MED15: variants seen among roughly 807,000 people sequenced by gnomAD.
MED15 encodes mediator of RNA polymerase II transcription subunit 15.
Under a neutral mutation model 118.7 loss-of-function variants are expected in MED15, and 41 were observed. The observed-to-expected ratio is 0.35, with a 90% CI of 0.27 to 0.45. The LOEUF (loss-of-function observed/expected upper bound fraction) is 0.45, where lower values mean the gene tolerates loss of function less well. Among genes scored for constraint, MED15 ranks in the 20% least tolerant of loss-of-function variants. MED15 has a pLI of 1.00. For missense variants in MED15, 740 were observed against 1,025.5 expected, an observed-to-expected ratio of 0.72 and a Z score of 3.80; for synonymous variants, 436 against 413.9, an observed-to-expected ratio of 1.05 and a Z score of -0.65.
chr22:20,518,221 G>A (rs1281054783), intron 1 of MED15, among the ~76,000 whole-genome samples: 2 of 150,958 alleles, frequency 1.3e-5, no homozygotes, highest in Non-Finnish European at 3.0e-5. Context: ...ATGGAGTCTC[G>A]CCCTGTCGCC....
chr22:20,586,590 G>C lies in MED15; in HGVS notation c.2253G>C (p.Ser751=). 6.2e-7 allele frequency: 1 copy of C among 1,612,836 alleles called. No homozygotes were observed. Among genetic ancestry groups the C allele is most frequent in the Non-Finnish European group, 8.5e-7 (1 of 1,179,892 alleles). The change falls in exon 18 of 18, where the codon TCG becomes TCC. Residue 751 remains serine, a synonymous_variant. Transcript: ENST00000263205. ...WQYDANPFLQ[S]VHRCMTSRLL... ...CAGACGCCAACCCCTTCCTCCAGTC[G>C]GTGCACCGCTGCATGACCTCCAGGC...
At chr22:20,575,276 C>T (rs1045891204) in intron 9 of MED15, 44 bp downstream of exon 9, 4 of 1,602,356 alleles carry the variant, frequency 2.5e-6, no homozygotes, top group Non-Finnish European at 3.4e-6. Context: ...GAGCTCGGGG[C>T]GTCCTCTGAG....
intron 2 of MED15, among the ~76,000 whole-genome samples, chr22:20,538,304 C>T (rs138873027): frequency 0.015 from 2,245 of 152,212 alleles, 35 homozygotes; most frequent in Non-Finnish European, 0.023. Context: ...GGCTGGAGTG[C>T]AGTGGCGTGA....
rs750892188 is a variant in MED15, at chr22:20,553,187, C to G, written c.238+13C>G. The stretch of plus-strand genomic sequence containing the variant: ...GCTTCCGTCAGTGGTAAGAGTTTTC[C>G]CTTTTGAGTTAAAGTTTCTCCCAAC... On this transcript the variant is annotated intron_variant, in intron 4 of 17. Transcript: ENST00000263205. 2 of 1,610,822 alleles carry G rather than the reference C, an allele frequency of 1.2e-6. No individual in the cohort carries two copies. Among genetic ancestry groups the G allele is most frequent in the Non-Finnish European group, 1.7e-6 (2 of 1,177,668 alleles).
At chr22:20,534,640 A>G (rs5995745) in intron 1 of MED15, among the ~76,000 whole-genome samples, 123,087 of 152,152 alleles carry the variant, frequency 0.81, 49,860 homozygotes, top group East Asian at 0.86. Flanking sequence ...CTGTGCAGCC[A>G]CTTCTATCAG....
chr22:20,552,167 C>G (rs28681662), intron 3 of MED15, among the ~76,000 whole-genome samples: 1 of 152,212 alleles, frequency 6.6e-6, no homozygotes, highest in African/African-American at 2.4e-5. Flanking sequence ...CCAGCAGCTG[C>G]TCTGTGTTTT....
intron 1 of MED15, chr22:20,523,017 T>C (rs540556089): frequency 4.6e-5 from 7 of 152,314 alleles, no homozygotes; most frequent in Admixed American, 2.0e-4. Context: ...CCGGATAACA[T>C]TGTAGAAGAC....
Position 20,583,315 on chromosome 22 carries a change from C to T in MED15, c.1673-15C>T, listed in dbSNP as rs1012797147. On this transcript the variant is annotated splice_polypyrimidine_tract_variant and intron_variant, in intron 12 of 17. Coordinates refer to ENST00000263205, the MANE Select transcript of MED15 (RefSeq NM_001003891.3). ...ACCAGGCTTGTGTCTTAGTGTGTAC[C>T]CTCTTCTGTCCCAGACAGAAAAAAG... 2 of 1,613,396 alleles carry T rather than the reference C, an allele frequency of 1.2e-6. No homozygotes were observed. Among genetic ancestry groups the T allele is most frequent in the Admixed American group, 3.3e-5 (2 of 60,028 alleles).
chr22:20,525,950 T>C (rs1190937206), intron 1 of MED15, among the ~76,000 whole-genome samples: 3 of 151,852 alleles, frequency 2.0e-5, no homozygotes, highest in Non-Finnish European at 2.9e-5. Context: ...AGACAGGGTC[T>C]TACTCTTTCA....
chr22:20,569,160 CAT>C (rs532322821), intron 8 of MED15, among the ~76,000 whole-genome samples: 187 of 152,232 alleles, frequency 1.2e-3, no homozygotes, highest in Non-Finnish European at 2.1e-3. Flanking sequence ...TGGTGTGTCA[CAT>C]GTGTGGAATG....
intron 2 of MED15, among the ~76,000 whole-genome samples, chr22:20,547,254 G>A (rs1047686583): frequency 2.0e-5 from 3 of 151,996 alleles, no homozygotes; most frequent in Non-Finnish European, 4.4e-5. Context: ...AGAACATTTT[G>A]CTTTTTGTTT....
rs556415368 is a variant in MED15 at position 20,540,574 on chromosome 22, T to TA, written c.156+3376dup. 1.2e-3 allele frequency among the ~76,000 whole-genome samples: 186 copies of TA among 151,994 alleles called. 3 individuals carry two copies. The highest frequency in any genetic ancestry group is 4.3e-3 in the African/African-American group (178 of 41,446). ...GGGTGACAGAGTGAGACTCTGTCTC[T>TA]AAAAAACTTTTTAAAAAATTAACTC... On this transcript the variant is annotated intron_variant, in intron 2 of 17. Transcript: ENST00000263205.
chr22:20,587,146 GT>G lies in MED15; in HGVS notation c.*446del. 1 of 173,786 alleles carries G rather than the reference GT, an allele frequency of 5.8e-6. No homozygotes were observed. Among genetic ancestry groups the G allele is most frequent in the Non-Finnish European group, 1.2e-5 (1 of 80,640 alleles). 10.8% of individuals were successfully genotyped at this position (173,786 alleles called of 1,614,324 possible). A position where few individuals can be genotyped will look rare whatever the true frequency, so the allele number is the denominator to read the frequency against. ...ACACACATGGGATTCTCTGGTCACA[GT>G]TTTGGGTTCAGGCTATGCTGCTTTG... On this transcript the variant is annotated 3_prime_UTR_variant, in exon 18 of 18. Transcript: ENST00000263205.
intron 1 of MED15, among the ~76,000 whole-genome samples, chr22:20,515,049 C>T (rs2054201157): frequency 6.6e-6 from 1 of 152,220 alleles, no homozygotes; most frequent in South Asian, 2.1e-4. Flanking sequence ...TTCATAGCCC[C>T]AGTGCCCCAT....
In MED15 at chr22:20,556,007, G is replaced by A. The variant is rs143733130; in HGVS notation, c.451+859G>A. ...CAAAGTGTTGGGATTACAGGCGTGA[G>A]CCAACGCGCCTGCCCTTAGGACCTA... is the stretch of plus-strand genomic sequence containing the variant. On this transcript the variant is annotated intron_variant, in intron 5 of 17. Transcript: ENST00000263205. Among the ~76,000 whole-genome samples, 648 of 152,358 alleles carry A rather than the reference G, an allele frequency of 4.3e-3. 7 individuals carry two copies. The highest frequency in any genetic ancestry group is 0.015 in the African/African-American group (619 of 41,592).
chr22:20,550,404 A>G (rs1008874003), intron 2 of MED15, among the ~76,000 whole-genome samples: 2 of 152,220 alleles, frequency 1.3e-5, no homozygotes, highest in African/African-American at 4.8e-5. Context: ...GAAAAAAAGA[A>G]GTGGGGTAGA....
intron 1 of MED15, among the ~76,000 whole-genome samples, chr22:20,514,276 G>T (rs1469243419): frequency 6.6e-6 from 1 of 152,178 alleles, no homozygotes; most frequent in Non-Finnish European, 1.5e-5. Flanking sequence ...TCATGGGATT[G>T]CTGGGTTAAT....
At chr22:20,544,842 T>G (rs2055461920) in intron 2 of MED15, among the ~76,000 whole-genome samples, 1 of 151,952 alleles carries the variant, frequency 6.6e-6, no homozygotes, top group Non-Finnish European at 1.5e-5. Context: ...GCTGTATCAC[T>G]CCAGTCTTCA....
chr22:20,571,837 A>G (rs2056670983), intron 8 of MED15, among the ~76,000 whole-genome samples: 1 of 152,242 alleles, frequency 6.6e-6, no homozygotes, highest in African/African-American at 2.4e-5. Flanking sequence ...GAACCCAGAA[A>G]GTGGAGAGGA....
Sources: allele counts gnomAD v4.1 joint callset (sites outside exome capture counted in the v4.1 genomes callset), GRCh38; gene constraint gnomAD v4.1.1; transcripts MANE v1.5; gene names NCBI Gene and HGNC (gene_info 2026-07-23, HGNC 2026-07-21).